Variants in CATSPER1 observed in about 807,000 individuals in gnomAD.
CATSPER1 encodes the protein cation channel sperm associated 1, also known as cation channel sperm-associated protein 1.
In CATSPER1, 57 loss-of-function variants were observed where a neutral mutation model predicts 72.7. That is an observed-to-expected ratio of 0.78 (90% CI 0.63 to 0.98). The LOEUF is 0.98. CATSPER1 is among the 50% of genes least tolerant of loss of function. CATSPER1 has a pLI of 0.00. For missense variants in CATSPER1, 910 were observed against 1,033.9 expected (o/e 0.88, Z 1.64); for synonymous variants, 363 against 403.0 (o/e 0.90, Z 1.19).
In CATSPER1 at chr11:66,016,756, G is replaced by T; in HGVS notation, c.*134C>A. 2.2e-6 allele frequency: 2 copies of T among 912,252 alleles called. No homozygotes were observed. The highest frequency in any genetic ancestry group is 1.7e-6 in the Non-Finnish European group (1 of 593,734). The allele number at this position is 912,252 out of a possible 1,614,324, so 56.5% of individuals were successfully genotyped here. ...CAGTGAGGACATGGAGCCTCCTGGG[G>T]TTTAAAAACTCTGTTGGGGCCCCTG... On this transcript the variant is annotated 3_prime_UTR_variant, in exon 12 of 12. Coordinates refer to ENST00000312106, the MANE Select transcript of CATSPER1 (RefSeq NM_053054.4).
At position 66,022,837 on chromosome 11, in the gene CATSPER1, C is replaced by G; in HGVS notation, c.1429+12G>C. ...TGGCTTCTCCATGGGAACAGGACTC[C>G]CTGGCTCTTACCGCCCCGGATCTCG... On this transcript the variant is annotated intron_variant, in intron 2 of 11. Coordinates refer to ENST00000312106, the MANE Select transcript of CATSPER1 (RefSeq NM_053054.4). The G allele has an allele frequency of 1.2e-6, 2 of 1,614,124 alleles. No individual in the cohort carries two copies. The highest frequency in any genetic ancestry group is 1.7e-6 in the Non-Finnish European group (2 of 1,179,980).
Position 66,022,894 on chromosome 11 carries a change from C to T in CATSPER1, c.1384G>A (p.Val462Ile), listed in dbSNP as rs768194764. The T allele has an allele frequency of 1.2e-5, 19 of 1,614,228 alleles. No homozygotes were observed. The South Asian group carries it at 2.0e-4, about 17-fold the overall frequency. The change falls in exon 2 of 12, where the codon GTC (valine) becomes ATC (isoleucine). Residue 462 changes from valine to isoleucine, a missense_variant. Transcript: ENST00000312106. ...GCGAAGGTCTGGGCCACCAGCATGACGGTGTTGAGGCAGACAACGAAGAAG... is the reference window on the plus strand; with the variant it reads ...GCGAAGGTCTGGGCCACCAGCATGATGGTGTTGAGGCAGACAACGAAGAAG... The part of the protein sequence containing the change: ...FIFFVVCLNT[V>I]MLVAQTFAEV...
At position 66,021,616 on chromosome 11, in the gene CATSPER1, A is replaced by C. The variant is rs773515324; in HGVS notation, c.1571T>G (p.Leu524Arg). The C allele has an allele frequency of 1.2e-6, 2 of 1,609,682 alleles. No individual in the cohort carries two copies. The highest frequency in any genetic ancestry group is 4.5e-5 in the East Asian group (2 of 44,770). The change falls in exon 4 of 12, where the codon CTG (leucine) becomes CGG (arginine). Residue 524 changes from leucine (L) to arginine (R), a missense_variant. Coordinates refer to ENST00000312106, the MANE Select transcript of CATSPER1 (RefSeq NM_053054.4). ...GTGGGTCTGCATCAGCAAGAAGTCC[A>C]GCACGGCCATGGCCATAATGAAGAA... ...LDFFIMAMAV[L>R]DFLLMQTHSF...
intron 9 of CATSPER1, among the ~76,000 whole-genome samples, chr11:66,019,889 C>A (rs1424554131): frequency 7.5e-6 from 1 of 133,828 alleles, no homozygotes; most frequent in Non-Finnish European, 1.5e-5. Context: ...CGCACTCCAG[C>A]CTGTGCGACA....
Position 66,025,227 on chromosome 11 carries a change from C to T in CATSPER1, c.1153G>A (p.Asp385Asn), listed in dbSNP as rs1466881673. 1.9e-6 allele frequency: 3 copies of T among 1,614,018 alleles called. No homozygotes were observed. The highest frequency in any genetic ancestry group is 2.5e-6 in the Non-Finnish European group (3 of 1,180,030). The change falls in exon 1 of 12, where the codon GAT (aspartate) becomes AAT (asparagine). Residue 385 changes from aspartate (D) to asparagine (N), a missense_variant. Asp to Asn is a conservative substitution (Grantham distance 23, BLOSUM62 1). Transcript: ENST00000312106. ...TCTTCTGAATGTTTGGTGGAGATAT[C>T]CTGGGTATGGACTTTTTTGGACATC... ...TQMSKKVHTQ[D>N]ISTKHSEDWG...
intron 10 of CATSPER1, among the ~76,000 whole-genome samples, chr11:66,018,279 C>T (rs1165541794): frequency 6.6e-6 from 1 of 152,008 alleles, no homozygotes; most frequent in African/African-American, 2.4e-5. Context: ...GGGCAGGGCT[C>T]CTGGTGCTCC....
Position 66,020,759 on chromosome 11 carries a change from C to A in CATSPER1, c.1927+52G>T. The A allele has an allele frequency of 6.2e-7, 1 of 1,611,436 alleles. No homozygotes were observed. The highest frequency in any genetic ancestry group is 8.5e-7 in the Non-Finnish European group (1 of 1,178,784). Reference sequence around the variant, plus strand: ...GCCGATGGGGTCACTGAGCCCTGGCCGGTCCACCCCGCCAATCCCCGGCCC... The same window carrying A: ...GCCGATGGGGTCACTGAGCCCTGGCAGGTCCACCCCGCCAATCCCCGGCCC... On this transcript the variant is annotated intron_variant, in intron 6 of 11. Coordinates refer to ENST00000312106, the MANE Select transcript of CATSPER1 (RefSeq NM_053054.4). The surrounding 1 kb of genome is among the most constrained non-coding windows in gnomAD (Gnocchi z 4.5).
rs1465977319 is a variant in CATSPER1 at position 66,020,791 on chromosome 11, C to T, written c.1927+20G>A. ...CCCCGCCAATCCCCGGCCCTCCCTG[C>T]AGCCTGGGGCCTGCCCTACCCTGGG... On this transcript the variant is annotated intron_variant, in intron 6 of 11. Coordinates refer to ENST00000312106, the MANE Select transcript of CATSPER1 (RefSeq NM_053054.4). The surrounding 1 kb of genome is among the most constrained non-coding windows in gnomAD (Gnocchi z 4.5). 1.2e-6 allele frequency: 2 copies of T among 1,613,714 alleles called. No individual in the cohort carries two copies. The highest frequency in any genetic ancestry group is 2.2e-5 in the South Asian group (2 of 91,078).
intron 9 of CATSPER1, 26 bp from the exon 10 acceptor site, chr11:66,018,928 G>T (rs1856296192): frequency 1.3e-6 from 2 of 1,588,140 alleles, no homozygotes; most frequent in African/African-American, 2.7e-5. Context: ...GAAGGGTGAG[G>T]TCAAGGCCTG....
Position 66,020,516 on chromosome 11 carries a change from G to C in CATSPER1, c.1991+48C>G. 2 of 1,598,666 alleles carry C rather than the reference G, an allele frequency of 1.3e-6. No individual in the cohort carries two copies. Among genetic ancestry groups the C allele is most frequent in the Non-Finnish European group, 1.7e-6 (2 of 1,166,882 alleles). ...CTGGGGTAAGGGTCCCAGGGGAGAG[G>C]AGGAAGTGTGGGTGGTGCTGGGCAG... On this transcript the variant is annotated intron_variant, in intron 7 of 11. Coordinates refer to ENST00000312106, the MANE Select transcript of CATSPER1 (RefSeq NM_053054.4). The surrounding 1 kb of genome is among the most constrained non-coding windows in gnomAD (Gnocchi z 4.5).
rs764701805 is a variant in CATSPER1 at position 66,016,764 on chromosome 11, ACT to A, written c.*124_*125del. The A allele has an allele frequency of 2.4e-3, 2,530 of 1,070,490 alleles. 6 individuals are homozygous for A. Among genetic ancestry groups the A allele is most frequent in the Non-Finnish European group, 3.2e-3 (2,346 of 735,642 alleles). The allele number at this position is 1,070,490 out of a possible 1,614,324, so 66.3% of individuals were successfully genotyped here. On this transcript the variant is annotated 3_prime_UTR_variant, in exon 12 of 12. Coordinates refer to ENST00000312106, the MANE Select transcript of CATSPER1 (RefSeq NM_053054.4). ...ACATGGAGCCTCCTGGGGTTTAAAA[ACT>A]CTGTTGGGGCCCCTGCTCTGCAGGG...
intron 10 of CATSPER1, among the ~76,000 whole-genome samples, chr11:66,017,807 T>G (rs1244376202): frequency 6.6e-6 from 1 of 152,188 alleles, no homozygotes; most frequent in Non-Finnish European, 1.5e-5. Flanking sequence ...CTTTGAGGCA[T>G]GAAATTGGGT....
At chr11:66,022,066 G>T (rs550814723) in intron 2 of CATSPER1, among the ~76,000 whole-genome samples, 187 bp from the exon 3 acceptor site, 33 of 152,308 alleles carry the variant, frequency 2.2e-4, no homozygotes, top group African/African-American at 7.5e-4. Context: ...GTGTCCAGGA[G>T]CAGTGGCTCA....
rs1458270903 is a variant in CATSPER1, at chr11:66,025,539, C to T, written c.841G>A (p.Asp281Asn). 3.1e-6 allele frequency: 5 copies of T among 1,600,314 alleles called. No individual in the cohort carries two copies. Among genetic ancestry groups the T allele is most frequent in the East Asian group, 2.3e-5 (1 of 44,372 alleles). Reference sequence around the variant, plus strand: ...TGGTGCTGTGTGTGGTGGGGATGGTCGCCATGGTGGTACTCACTGGGGTGG... The same window carrying T: ...TGGTGCTGTGTGTGGTGGGGATGGTTGCCATGGTGGTACTCACTGGGGTGG... ...DHHPSEYHHG[D>N]HPHHTQHHYH... Residue 281 changes from aspartate to asparagine, a missense_variant, in exon 1 of 12, where the codon GAC becomes AAC. Physicochemically the swap from Asp to Asn is conservative, Grantham distance 23 (BLOSUM62 1). Transcript: ENST00000312106.
intron 9 of CATSPER1, 50 bp from the exon 10 acceptor site, chr11:66,018,952 G>A: frequency 2.0e-6 from 3 of 1,478,378 alleles, no homozygotes; most frequent in East Asian, 2.3e-5. Context: ...TTGGAGAGGA[G>A]GCAGAGGAAC....
Position 66,025,781 on chromosome 11 carries a change from C to A in CATSPER1, c.599G>T (p.Ser200Ile). The A allele has an allele frequency of 1.2e-6, 2 of 1,613,428 alleles. No homozygotes were observed. The highest frequency in any genetic ancestry group is 1.7e-6 in the Non-Finnish European group (2 of 1,179,684). ...CTGGGACTCATCGTGTTGGAGCCCG[C>A]TAAGGTGGGAAGCCTCGCTGTGGTG... ...SFHHSEASHL[S>I]GLQHDESQHH... Residue 200 changes from serine (S) to isoleucine (I), a missense_variant, in exon 1 of 12, where the codon AGC becomes ATC. Transcript: ENST00000312106.
chr11:66,021,019 C>T (rs1438209486), intron 5 of CATSPER1, 65 bp from the exon 6 acceptor site: 9 of 1,609,736 alleles, frequency 5.6e-6, no homozygotes, highest in African/African-American at 1.3e-5. Flanking sequence ...CTCGTCCTGC[C>T]CCATCCCTGC....
At chr11:66,023,140 C>T (rs1219077096) in intron 1 of CATSPER1, 79 bp from the exon 2 acceptor site, 15 of 1,326,664 alleles carry the variant, frequency 1.1e-5, no homozygotes, top group African/African-American at 7.1e-5. Flanking sequence ...CCTGGCTCAG[C>T]GTCCATGGTC....
chr11:66,016,992 G>A (rs1856250836), intron 11 of CATSPER1, 68 bp downstream of exon 11: 1 of 1,611,234 alleles, frequency 6.2e-7, no homozygotes, highest in Non-Finnish European at 8.5e-7. Context: ...GAGTTACTTG[G>A]AGCCATTTCT....
Sources: gnomAD v4.1 joint callset for allele counts (sites outside exome capture counted in the v4.1 genomes callset) on GRCh38, gnomAD v4.1.1 for gene constraint, Gnocchi (gnomAD v3.1) non-coding constraint, MANE v1.5 for transcripts, NCBI Gene and HGNC (gene_info 2026-07-23, HGNC 2026-07-21) for gene names.